NPAT: variants seen among roughly 807,000 people sequenced by gnomAD.
NPAT encodes the protein nuclear protein, coactivator of histone transcription.
NPAT carries 52 observed loss-of-function variants against 130.7 expected under a neutral mutation model. The observed-to-expected ratio is 0.40, with a 90% CI of 0.32 to 0.50. The LOEUF (loss-of-function observed/expected upper bound fraction) is 0.50. NPAT is among the 20% of genes least tolerant of loss of function. The probability of loss-of-function intolerance (pLI) is 0.68; values close to 1 mark genes in which losing one functional copy is unlikely to be tolerated. For synonymous variants in NPAT, 580 were observed against 584.8 expected, an observed-to-expected ratio of 0.99 and a Z score of 0.12; for missense variants, 1,687 against 1,662.6, an observed-to-expected ratio of 1.01 and a Z score of -0.26.
intron 1 of NPAT, 137 bp from the exon 2 acceptor site, chr11:108,197,557 G>C: frequency 1.4e-6 from 1 of 700,870 alleles, no homozygotes; most frequent in South Asian, 1.6e-5. Flanking sequence ...TGGCAGCCTT[G>C]AACAGAAACA....
At chr11:108,184,202 G>A (rs1458576462) in intron 10 of NPAT, among the ~76,000 whole-genome samples, 1 of 152,084 alleles carries the variant, frequency 6.6e-6, no homozygotes, top group Non-Finnish European at 1.5e-5. Context: ...GCCGGGCACG[G>A]TGGCTCACAC....
chr11:108,165,382 T>C (rs181532946), intron 15 of NPAT, among the ~76,000 whole-genome samples: 1 of 150,748 alleles, frequency 6.6e-6, no homozygotes, highest in African/African-American at 2.4e-5. Flanking sequence ...GTTGCTAGGA[T>C]TGCAGGTACA....
chr11:108,194,934 C>T (rs1236532215), intron 2 of NPAT, among the ~76,000 whole-genome samples: 1 of 152,108 alleles, frequency 6.6e-6, no homozygotes, highest in Non-Finnish European at 1.5e-5. Flanking sequence ...AGCGATTCTC[C>T]TGTCTCAGCC....
intron 4 of NPAT, among the ~76,000 whole-genome samples, chr11:108,191,792 A>C (rs1381245476): frequency 2.6e-5 from 4 of 152,096 alleles, no homozygotes; most frequent in African/African-American, 9.6e-5. Flanking sequence ...TGAATATGTA[A>C]TAAAGAGACA....
intron 1 of NPAT, among the ~76,000 whole-genome samples, chr11:108,212,790 CA>C (rs1029972489): frequency 6.7e-5 from 10 of 150,288 alleles, no homozygotes; most frequent in African/African-American, 2.4e-4. Context: ...ACTAAAAATA[CA>C]AAAAAATGAG....
At chr11:108,187,609 A>C (rs1013117078) in intron 7 of NPAT, among the ~76,000 whole-genome samples, 3 of 151,254 alleles carry the variant, frequency 2.0e-5, no homozygotes, top group Admixed American at 1.3e-4. Flanking sequence ...AAGAAACTAG[A>C]ATAAACATTT....
In NPAT at chr11:108,189,420, C is replaced by T. The variant is rs1188979157; in HGVS notation, c.332-90G>A. On this transcript the variant is annotated intron_variant, in intron 5 of 17. Coordinates refer to ENST00000278612, the MANE Select transcript of NPAT (RefSeq NM_002519.3). The stretch of plus-strand genomic sequence containing the variant: ...CAATATGATGCAACCTATTATATAA[C>T]AACGTGTTACATCCACAGATTGAAG... The T allele has an allele frequency of 5.9e-6, 6 of 1,009,928 alleles. No homozygotes were observed. The Admixed American group carries it at 6.9e-5, about 12-fold the overall frequency. The allele number at this position is 1,009,928 out of a possible 1,614,324, so 62.6% of individuals were successfully genotyped here.
At chr11:108,220,935 G>A (rs2078482430) in intron 1 of NPAT, among the ~76,000 whole-genome samples, 1 of 152,216 alleles carries the variant, frequency 6.6e-6, no homozygotes, top group Admixed American at 6.5e-5. Context: ...TGGTGGCAGT[G>A]AAAATGGAAT....
At position 108,161,721 on chromosome 11, in the gene NPAT, G is replaced by A. The variant is rs200958886; in HGVS notation, c.3365C>T (p.Pro1122Leu). 5.0e-6 allele frequency: 8 copies of A among 1,613,760 alleles called. No homozygotes were observed. The African/African-American group carries it at 9.3e-5, about 19-fold the overall frequency. Residue 1122 changes from proline to leucine, a missense_variant, in exon 17 of 18, where the codon CCT (proline) becomes CTT (leucine). Pro to Leu is a moderately conservative substitution (Grantham distance 98). Transcript: ENST00000278612. ...NNAIKREKEKPPLPKILSKSE... is the reference protein window; with the variant it reads ...NNAIKREKEKLPLPKILSKSE... ...TTTAGATAAAATCTTAGGCAGAGGA[G>A]GCTTCTCTTTCTCTCTTTTGATAGC... is the stretch of plus-strand genomic sequence containing the variant.
intron 1 of NPAT, among the ~76,000 whole-genome samples, chr11:108,206,426 G>A (rs1324776596): frequency 1.3e-5 from 2 of 152,292 alleles, no homozygotes; most frequent in South Asian, 4.1e-4. Flanking sequence ...CTCAGCCACC[G>A]AGCATAGTCA....
chr11:108,213,065 G>C (rs2078399775), intron 1 of NPAT, among the ~76,000 whole-genome samples: 1 of 152,060 alleles, frequency 6.6e-6, no homozygotes, highest in Admixed American at 6.6e-5. Context: ...CCTGAGGTCG[G>C]GAGTTCGAGA....
intron 15 of NPAT, among the ~76,000 whole-genome samples, chr11:108,167,607 A>G (rs1565308247): frequency 6.6e-6 from 1 of 152,198 alleles, no homozygotes; most frequent in Non-Finnish European, 1.5e-5. Context: ...TGGGGCAAAA[A>G]ACTGATTACT....
In NPAT at chr11:108,214,691, G is replaced by C. The variant is rs141050564; in HGVS notation, c.37+7809C>G. On this transcript the variant is annotated intron_variant, in intron 1 of 17. Transcript: ENST00000278612. Reference sequence around the variant, plus strand: ...CTTGTCACCTGTGCTGGAGTGCAATGATGCAATCTCGGCTCACTGCAACCT... The same window carrying C: ...CTTGTCACCTGTGCTGGAGTGCAATCATGCAATCTCGGCTCACTGCAACCT... Among the ~76,000 whole-genome samples, 918 of 147,054 alleles carry C rather than the reference G, an allele frequency of 6.2e-3. 5 individuals are homozygous for C. Among genetic ancestry groups the C allele is most frequent in the East Asian group, 0.011 (54 of 4,994 alleles).
chr11:108,211,935 G>GT (rs2134896519), intron 1 of NPAT, among the ~76,000 whole-genome samples: 1 of 152,124 alleles, frequency 6.6e-6, no homozygotes, highest in African/African-American at 2.4e-5. Context: ...GGATGACAGA[G>GT]TAAGAACCTG....
intron 15 of NPAT, among the ~76,000 whole-genome samples, chr11:108,165,855 G>A (rs1442152946): frequency 3.3e-5 from 5 of 151,564 alleles, no homozygotes; most frequent in African/African-American, 4.8e-5. Context: ...GGATGGTCCC[G>A]ATCTCCTGAC....
In NPAT at chr11:108,173,770, T is replaced by C. The variant is rs755763097; in HGVS notation, c.1214A>G (p.His405Arg). Residue 405 changes from histidine (H) to arginine (R), a missense_variant, in exon 13 of 18, where the codon CAT becomes CGT. By Grantham distance (29) the His-to-Arg change is conservative (BLOSUM62 0). Coordinates refer to ENST00000278612, the MANE Select transcript of NPAT (RefSeq NM_002519.3). Reference protein sequence around the residue: ...PLNALKNSNNHDVLRQEDQEN... With the variant: ...PLNALKNSNNRDVLRQEDQEN... ...CTGGTCTTCTTGTCTAAGCACATCA[T>C]GGTTGTTGCTATTCTTCAAAGCATT... is the stretch of plus-strand genomic sequence containing the variant. 7 of 1,614,044 alleles carry C rather than the reference T, an allele frequency of 4.3e-6. No homozygotes were observed. In the Admixed American group the frequency reaches 5.0e-5, roughly 12 times the overall value.
intron 1 of NPAT, among the ~76,000 whole-genome samples, chr11:108,209,007 T>C (rs929939348): frequency 9.2e-5 from 14 of 152,160 alleles, no homozygotes; most frequent in Non-Finnish European, 1.8e-4. Flanking sequence ...ATGCCAGGCA[T>C]GGTGGCTCAC....
intron 1 of NPAT, among the ~76,000 whole-genome samples, chr11:108,212,038 AAAAAG>A (rs926418061): frequency 1.3e-5 from 2 of 152,128 alleles, no homozygotes; most frequent in African/African-American, 4.8e-5. Context: ...CACTAGAAAT[AAAAAG>A]AAATTTCCTC....
intron 1 of NPAT, among the ~76,000 whole-genome samples, chr11:108,206,763 C>T (rs939460135): frequency 2.6e-5 from 4 of 152,196 alleles, no homozygotes; most frequent in Admixed American, 6.5e-5. Context: ...TATTATCCTG[C>T]GTCCAGGAAG....
Sources: allele counts gnomAD v4.1 joint callset (sites outside exome capture counted in the v4.1 genomes callset), GRCh38; gene constraint gnomAD v4.1.1; transcripts MANE v1.5; gene names NCBI Gene and HGNC (gene_info 2026-07-23, HGNC 2026-07-21).